Variants in PARD3B observed in about 807,000 individuals in gnomAD.
PARD3B encodes the protein partitioning defective 3 homolog B.
PARD3B carries 103 observed loss-of-function variants against 130.2 expected under a neutral mutation model. The ratio of observed to expected loss-of-function variants is 0.79; its 90% CI spans 0.67 to 0.93. PARD3B has a LOEUF of 0.93. PARD3B is among the 40% of genes least tolerant of loss of function. The probability of loss-of-function intolerance (pLI) is 0.00; values close to 1 mark genes in which losing one functional copy is unlikely to be tolerated. For synonymous variants in PARD3B, 583 were observed against 553.2 expected, an observed-to-expected ratio of 1.05 and a Z score of -0.76; for missense variants, 1,609 against 1,499.2, an observed-to-expected ratio of 1.07 and a Z score of -1.21.
At chr2:205,383,877 T>C (rs888286712) in intron 18 of PARD3B, among the ~76,000 whole-genome samples, 7 of 152,114 alleles carry the variant, frequency 4.6e-5, no homozygotes, top group Admixed American at 1.3e-4. Flanking sequence ...GTGTGAGTAG[T>C]ATACTGTTGC....
intron 15 of PARD3B, among the ~76,000 whole-genome samples, chr2:205,199,987 G>A (rs1404369316): frequency 6.6e-6 from 1 of 151,684 alleles, no homozygotes; most frequent in Non-Finnish European, 1.5e-5. Context: ...AAAAAAAAAT[G>A]TGGTGGTCAC....
chr2:205,301,943 C>T lies in PARD3B; in HGVS notation c.2630+242C>T, dbSNP rs1458929783. ...AAAGAAAGGTCAACACTATGCCAGG[C>T]ACGGTGGCTCATGCCTGTAATCTCA... On this transcript the variant is annotated intron_variant, in intron 18 of 22. Coordinates refer to ENST00000406610, the MANE Select transcript of PARD3B (RefSeq NM_001302769.2). This position sits in a 1 kb window ranked among gnomAD's most constrained non-coding sequence, Gnocchi z 5.2. The T allele has an allele frequency of 1.4e-6, 1 of 714,042 alleles. No individual in the cohort carries two copies. Among genetic ancestry groups the T allele is most frequent in the East Asian group, 2.7e-5 (1 of 37,296 alleles). 44.2% of individuals were successfully genotyped at this position (714,042 alleles called of 1,614,324 possible). A position where few individuals can be genotyped will look rare whatever the true frequency, so the allele number is the denominator to read the frequency against.
chr2:205,503,961 T>A (rs2106351736), intron 21 of PARD3B, among the ~76,000 whole-genome samples: 1 of 152,314 alleles, frequency 6.6e-6, no homozygotes, highest in East Asian at 1.9e-4. Flanking sequence ...TCACTCATGA[T>A]TTGGCTCTCT....
intron 3 of PARD3B, among the ~76,000 whole-genome samples, chr2:204,985,996 G>C (rs1005585398): frequency 6.6e-6 from 1 of 150,604 alleles, no homozygotes; most frequent in East Asian, 2.0e-4. Flanking sequence ...AGCTACTCAG[G>C]AGGCTGAGGC....
intron 19 of PARD3B, among the ~76,000 whole-genome samples, chr2:205,426,750 A>G (rs542042362): frequency 6.6e-6 from 1 of 152,324 alleles, no homozygotes; most frequent in South Asian, 2.1e-4. Context: ...ATAGTATGGA[A>G]AAGTAGCAAA....
chr2:205,396,194 A>G (rs1328638737), intron 18 of PARD3B, among the ~76,000 whole-genome samples: 1 of 152,108 alleles, frequency 6.6e-6, no homozygotes. Context: ...TCACTGAGGC[A>G]TTTCCCAGGC....
At chr2:205,422,521 A>G (rs1346523002) in intron 19 of PARD3B, among the ~76,000 whole-genome samples, 1 of 152,226 alleles carries the variant, frequency 6.6e-6, no homozygotes, top group South Asian at 2.1e-4. Flanking sequence ...CTGTGGTTAC[A>G]TAGAGCCTGA....
chr2:205,447,817 G>A (rs1387839093), intron 20 of PARD3B, among the ~76,000 whole-genome samples: 2 of 152,166 alleles, frequency 1.3e-5, no homozygotes, highest in Admixed American at 1.3e-4. Context: ...AAATTCATGA[G>A]GCATCCTTTT....
Position 204,840,048 on chromosome 2 carries a change from A to G in PARD3B, c.223-125104A>G, listed in dbSNP as rs573118804. Among the ~76,000 whole-genome samples the G allele has an allele frequency of 4.1e-3, 622 of 152,292 alleles. 5 individuals carry two copies. The highest frequency in any genetic ancestry group is 0.014 in the African/African-American group (588 of 41,562). On this transcript the variant is annotated intron_variant, in intron 2 of 22. Coordinates refer to ENST00000406610, the MANE Select transcript of PARD3B (RefSeq NM_001302769.2). The stretch of plus-strand genomic sequence containing the variant: ...AGCACATATTCAGGGAGGGAAGGTA[A>G]GGGATTTACATCCTTTTTCCATCAC...
chr2:205,544,784 A>T (rs963076246), intron 21 of PARD3B, among the ~76,000 whole-genome samples: 1 of 152,200 alleles, frequency 6.6e-6, no homozygotes, highest in African/African-American at 2.4e-5. Flanking sequence ...GCCTGCACAC[A>T]GTTACTATAT....
intron 1 of PARD3B, among the ~76,000 whole-genome samples, chr2:204,589,153 C>T (rs951450692): frequency 2.0e-5 from 3 of 152,110 alleles, no homozygotes; most frequent in Non-Finnish European, 4.4e-5. Context: ...GGAATTATGG[C>T]ACATGCTCAC....
chr2:205,022,647 A>T (rs1293533634), intron 3 of PARD3B, among the ~76,000 whole-genome samples: 1 of 152,232 alleles, frequency 6.6e-6, no homozygotes, highest in East Asian at 1.9e-4. Context: ...AGACCATGCT[A>T]ACTTCAAGCC....
chr2:205,086,454 C>T (rs778737046), intron 4 of PARD3B, among the ~76,000 whole-genome samples: 1 of 152,124 alleles, frequency 6.6e-6, no homozygotes, highest in Non-Finnish European at 1.5e-5. Flanking sequence ...TTTGTATTTC[C>T]TAAGTCCAAA....
intron 1 of PARD3B, among the ~76,000 whole-genome samples, chr2:204,648,586 ATATT>A (rs1236440248): frequency 2.3e-5 from 3 of 128,526 alleles, no homozygotes; most frequent in African/African-American, 8.8e-5. Context: ...ATTATATATT[ATATT>A]ATATATAATA....
chr2:205,484,817 AG>A (rs1281561796), intron 20 of PARD3B, among the ~76,000 whole-genome samples: 4 of 152,202 alleles, frequency 2.6e-5, no homozygotes, highest in Non-Finnish European at 5.9e-5. Flanking sequence ...GATGGGTAAA[AG>A]GCATAATTGA....
intron 4 of PARD3B, among the ~76,000 whole-genome samples, chr2:205,067,039 ACT>A (rs1700426131): frequency 8.0e-6 from 1 of 124,916 alleles, no homozygotes; most frequent in South Asian, 2.3e-4. Context: ...AGAAACTAAC[ACT>A]CTATTTTTTG....
intron 3 of PARD3B, among the ~76,000 whole-genome samples, chr2:205,036,907 T>G (rs1351346442): frequency 6.6e-6 from 1 of 150,696 alleles, no homozygotes; most frequent in Non-Finnish European, 1.5e-5. Flanking sequence ...AGAACATATA[T>G]AGCGGACTGT....
chr2:204,709,268 C>G (rs2038324090), intron 2 of PARD3B, among the ~76,000 whole-genome samples: 1 of 152,016 alleles, frequency 6.6e-6, no homozygotes, highest in African/African-American at 2.4e-5. Context: ...ATGTCAGTAC[C>G]CAATAAAACA....
intron 14 of PARD3B, among the ~76,000 whole-genome samples, chr2:205,191,586 A>G (rs183045824): frequency 2.7e-3 from 411 of 152,336 alleles, no homozygotes; most frequent in Non-Finnish European, 4.1e-3. Context: ...TGATCTGCTT[A>G]TTTGTTAACT....
Sources: allele counts gnomAD v4.1 joint callset (sites outside exome capture counted in the v4.1 genomes callset), GRCh38; gene constraint gnomAD v4.1.1; non-coding constraint Gnocchi (gnomAD v3.1); transcripts MANE v1.5; gene names NCBI Gene and HGNC (gene_info 2026-07-23, HGNC 2026-07-21).